The following TRPM5 variants were observed in gnomAD, a reference collection of about 807,000 sequenced individuals.
The protein encoded by TRPM5 is transient receptor potential cation channel subfamily M member 5.
Under a neutral mutation model 124.9 loss-of-function variants are expected in TRPM5, and 121 were observed. The observed-to-expected ratio is 0.97, with a 90% CI of 0.84 to 1.13. The LOEUF (loss-of-function observed/expected upper bound fraction) is 1.13, where lower values mean the gene tolerates loss of function less well. Ranked by LOEUF, TRPM5 falls within the 50% of genes most tolerant of loss-of-function variation. The pLI is 0.00. For synonymous variants in TRPM5, 781 were observed against 700.5 expected (o/e 1.11, Z -1.81); for missense variants, 1,643 against 1,589.1 (o/e 1.03, Z -0.58).
intron 22 of TRPM5, 113 bp from the exon 28 acceptor site, chr11:2,405,706 T>C: frequency 8.4e-7 from 1 of 1,188,702 alleles, no homozygotes; most frequent in Non-Finnish European, 1.2e-6. Context: ...CTGTGACTCC[T>C]CCCTCTGAGA....
intron 18 of TRPM5, among the ~76,000 whole-genome samples, chr11:2,410,013 G>A (rs1485085272): frequency 1.3e-5 from 2 of 152,240 alleles, no homozygotes; most frequent in African/African-American, 4.8e-5. Flanking sequence ...CCCTGCCCTG[G>A]CTGGAGGCGC....
At chr11:2,426,296 C>A (rs545719296), upstream of TRPM5, among the ~76,000 whole-genome samples, 14 of 152,262 alleles carry the variant, frequency 9.2e-5, no homozygotes, top group African/African-American at 3.1e-4. Flanking sequence ...AGGCTCGGTG[C>A]CCCCCGCCCC....
In TRPM5 at chr11:2,405,716, AGCTGCC is replaced by A. The variant is rs1207974234; in HGVS notation, c.3325-129_3325-124del. 3.6e-6 allele frequency: 4 copies of A among 1,100,132 alleles called. No homozygotes were observed. In the East Asian group the frequency reaches 1.0e-4, roughly 29 times the overall value. 68.1% of individuals were successfully genotyped at this position (1,100,132 alleles called of 1,614,324 possible). Reference sequence around the variant, plus strand: ...CTGCCCTGTGACTCCTCCCTCTGAGAGCTGCCGCTCACAGGCAGGGGTGAGTGAGGC... The same window carrying A: ...CTGCCCTGTGACTCCTCCCTCTGAGAGCTCACAGGCAGGGGTGAGTGAGGC... On this transcript the variant is annotated intron_variant, in intron 22 of 23. Transcript: ENST00000155858.
chr11:2,411,692 G>T (rs1046696936), exon 17 of TRPM5: 1 of 1,612,652 alleles, frequency 6.2e-7, no homozygotes, highest in African/African-American at 1.3e-5. Context: ...CAAAGATATG[G>T]ATCAGCCGCA....
chr11:2,427,371 G>A (rs555068165), upstream of TRPM5, among the ~76,000 whole-genome samples: 4 of 152,348 alleles, frequency 2.6e-5, no homozygotes, highest in South Asian at 2.1e-4. Context: ...GCCAAGGCGC[G>A]GGTGGAGCCG....
At chr11:2,410,746 A>G in intron 18 of TRPM5, 1 of 449,726 alleles carries the variant, frequency 2.2e-6, no homozygotes, top group South Asian at 1.6e-5. Flanking sequence ...GCCTGGGGAC[A>G]CCCATAGGCA....
intron 7 of TRPM5, among the ~76,000 whole-genome samples, 194 bp from the exon 13 acceptor site, chr11:2,416,218 G>A (rs765186424): frequency 2.0e-5 from 3 of 152,244 alleles, no homozygotes; most frequent in African/African-American, 4.8e-5. Flanking sequence ...AGGAGAAAGC[G>A]TGCTGCCCTG....
rs1310806064 is a variant in TRPM5 at position 2,406,011 on chromosome 11, T to C, written c.3324+8A>G. ...CCATCAGGGAGAGGAGCTCTGGGGCTCGCTTGCCTGTGACTCCAGACACTT... is the reference window on the plus strand; with the variant it reads ...CCATCAGGGAGAGGAGCTCTGGGGCCCGCTTGCCTGTGACTCCAGACACTT... On this transcript the variant is annotated splice_region_variant and intron_variant, in intron 22 of 23. Coordinates refer to ENST00000155858, the Ensembl canonical transcript of TRPM5. 6.8e-6 allele frequency: 11 copies of C among 1,610,282 alleles called. No individual in the cohort carries two copies. Among genetic ancestry groups the C allele is most frequent in the Admixed American group, 1.7e-5 (1 of 60,020 alleles).
At chr11:2,412,977 C>A (rs1470922307) in exon 15 of TRPM5, 1 of 1,606,266 alleles carries the variant, frequency 6.2e-7, no homozygotes, top group African/African-American at 1.3e-5. Context: ...GCCTCGGTCA[C>A]CCTGAGCCCT....
At position 2,417,015 on chromosome 11, in the gene TRPM5, T is replaced by C. The variant is rs553273181; in HGVS notation, c.1009+712A>G. On this transcript the variant is annotated intron_variant, in intron 7 of 23. Transcript: ENST00000155858. ...CACGAAATGCCCGTCAGCAAATCTA[T>C]AGAGACAGGAAGCAGATCGATGGTT... 7.9e-5 allele frequency among the ~76,000 whole-genome samples: 12 copies of C among 152,162 alleles called. No individual in the cohort carries two copies. The South Asian group carries it at 1.9e-3, about 24-fold the overall frequency.
chr11:2,419,080 C>G (rs986424291), intron 4 of TRPM5, among the ~76,000 whole-genome samples: 1 of 152,288 alleles, frequency 6.6e-6, no homozygotes, highest in East Asian at 1.9e-4. Context: ...AGGCCTGGAC[C>G]TGCCCCTGTC....
chr11:2,407,430 C>T, intron 19 of TRPM5, 130 bp from the exon 25 acceptor site: 1 of 927,422 alleles, frequency 1.1e-6, no homozygotes, highest in Non-Finnish European at 1.6e-6. Context: ...TCTGCGTTGC[C>T]TCTGGGGTGT....
chr11:2,422,138 C>CA lies in TRPM5; in HGVS notation c.298+2dup. 1.3e-6 allele frequency: 2 copies of CA among 1,593,336 alleles called. No homozygotes were observed. The highest frequency in any genetic ancestry group is 1.7e-6 in the Non-Finnish European group (2 of 1,169,958). On this transcript the variant is annotated splice_region_variant and intron_variant, in intron 2 of 23. Transcript: ENST00000155858. ...GCGCTGCCTGTGCCGGGTGGGGCCT[C>CA]ACCTGTGCTCTGAGCCGCCTTCACC... is the stretch of plus-strand genomic sequence containing the variant.
In TRPM5 at chr11:2,415,208, G is replaced by A. The variant is rs369428562; in HGVS notation, c.1392C>T (p.His464=). 3.8e-5 allele frequency: 60 copies of A among 1,582,232 alleles called. 1 individual carries two copies. The highest frequency in any genetic ancestry group is 1.7e-4 in the Middle Eastern group (1 of 5,978). Residue 464 remains histidine, a synonymous_variant, in exon 9 of 24, where the codon CAC becomes CAT. Transcript: ENST00000155858. ...AGTCCTTGAGTACGCGGGAGACCTC[G>A]TGCAGGGAGAAGGCCGGTGGCCCCG...
exon 9 of TRPM5, chr11:2,415,372 G>C: frequency 1.3e-6 from 2 of 1,589,662 alleles, no homozygotes; most frequent in South Asian, 1.1e-5. Flanking sequence ...CCATACGTCA[G>C]GAAGTCGGCC....
intron 19 of TRPM5, 101 bp downstream of exon 24, chr11:2,407,658 C>T: frequency 6.8e-7 from 1 of 1,467,292 alleles, no homozygotes; most frequent in Non-Finnish European, 9.3e-7. Flanking sequence ...GCCTCACCCT[C>T]TGCAGCACAC....
rs748299485 is a variant in TRPM5 at position 2,412,175 on chromosome 11, T to C, written c.2434A>G (p.Met812Val). The change falls in exon 16 of 24, where the codon ATG becomes GTG. Residue 812 changes from methionine to valine, a missense_variant. Coordinates refer to ENST00000155858, the Ensembl canonical transcript of TRPM5. Reference sequence around the variant, plus strand: ...ACGATGAACAGGAAGATGGCCACCATGTCACACTTGTTCCAGTTGTCCCCC... The same window carrying C: ...ACGATGAACAGGAAGATGGCCACCACGTCACACTTGTTCCAGTTGTCCCCC... The C allele has an allele frequency of 2.3e-5, 37 of 1,613,456 alleles. No homozygotes were observed. The highest frequency in any genetic ancestry group is 1.6e-4 in the Middle Eastern group (1 of 6,084).
At chr11:2,412,935 C>T (rs758079989) in exon 15 of TRPM5, 6 of 1,601,980 alleles carry the variant, frequency 3.7e-6, no homozygotes, top group Admixed American at 1.7e-5. Flanking sequence ...CCAGAATTTC[C>T]GCCAGCGTGT....
At chr11:2,411,132 G>A (rs565912889) in intron 18 of TRPM5, among the ~76,000 whole-genome samples, 25 of 152,242 alleles carry the variant, frequency 1.6e-4, no homozygotes, top group East Asian at 3.9e-4. Flanking sequence ...GTCCCAGGTC[G>A]GGGCTCCGTG....
Sources: allele counts gnomAD v4.1 joint callset (sites outside exome capture counted in the v4.1 genomes callset), GRCh38; gene constraint gnomAD v4.1.1; transcripts MANE v1.5; gene names NCBI Gene and HGNC (gene_info 2026-07-23, HGNC 2026-07-21).